FARP1: variants seen among roughly 807,000 people sequenced by gnomAD.
The protein encoded by FARP1 is FERM, ARHGEF and pleckstrin domain-containing protein 1.
In FARP1, 52 loss-of-function variants were observed where a neutral mutation model predicts 128.8. The observed-to-expected ratio is 0.40, with a 90% CI of 0.32 to 0.51. The LOEUF is 0.51. FARP1 is among the 20% of genes least tolerant of loss of function. The probability of loss-of-function intolerance (pLI) is 0.45; values close to 1 mark genes in which losing one functional copy is unlikely to be tolerated. For synonymous variants in FARP1, 580 were observed against 551.8 expected (o/e 1.05, Z -0.72); for missense variants, 1,333 against 1,367.9 (o/e 0.97, Z 0.40).
intron 2 of FARP1, among the ~76,000 whole-genome samples, chr13:98,217,959 G>A (rs1276994349): frequency 2.0e-5 from 3 of 152,146 alleles, no homozygotes; most frequent in Admixed American, 6.5e-5. Context: ...TCCCTTCCTC[G>A]TGTTTTCACA....
chr13:98,388,227 C>T (rs1439874990), intron 8 of FARP1, among the ~76,000 whole-genome samples, 156 bp from the exon 9 acceptor site: 4 of 152,158 alleles, frequency 2.6e-5, no homozygotes, highest in Non-Finnish European at 5.9e-5. Context: ...AGGTATCATC[C>T]GATAGCCACA....
intron 2 of FARP1, among the ~76,000 whole-genome samples, chr13:98,309,371 G>A (rs1418661881): frequency 3.3e-5 from 5 of 150,636 alleles, no homozygotes; most frequent in Non-Finnish European, 5.9e-5. Context: ...GGGTTTCACC[G>A]TGTTAGCCAG....
At chr13:98,407,782 A>T (rs1891038146) in intron 13 of FARP1, among the ~76,000 whole-genome samples, 1 of 152,158 alleles carries the variant, frequency 6.6e-6, no homozygotes, top group Non-Finnish European at 1.5e-5. Context: ...GGTGCTGCTG[A>T]CTGCTCAACC....
intron 5 of FARP1, among the ~76,000 whole-genome samples, chr13:98,377,027 G>A (rs1339879367): frequency 3.9e-5 from 6 of 151,960 alleles, no homozygotes; most frequent in Admixed American, 1.3e-4. Context: ...AAATGAATGG[G>A]TGCAGTGGGT....
In FARP1 at chr13:98,389,101, A is replaced by T. The variant is rs1379831648; in HGVS notation, c.855+623A>T. 3.3e-5 allele frequency among the ~76,000 whole-genome samples: 5 copies of T among 152,384 alleles called. No homozygotes were observed. In the South Asian group the frequency reaches 6.2e-4, roughly 19 times the overall value. The stretch of plus-strand genomic sequence containing the variant: ...AGAGTTCTTTTTCCCATGGCAAAGA[A>T]GATGATAAATGGCAATTAGGCTTAT... On this transcript the variant is annotated intron_variant, in intron 9 of 26. Coordinates refer to ENST00000319562, the MANE Select transcript of FARP1 (RefSeq NM_005766.4).
At chr13:98,246,066 T>C (rs1441868025) in intron 2 of FARP1, among the ~76,000 whole-genome samples, 16 of 135,998 alleles carry the variant, frequency 1.2e-4, no homozygotes, top group Middle Eastern at 4.6e-3. Context: ...TGTGAGCCAC[T>C]GCGCCCGGCC....
intron 2 of FARP1, among the ~76,000 whole-genome samples, chr13:98,223,851 A>T (rs1004514257): frequency 6.6e-6 from 1 of 152,232 alleles, no homozygotes; most frequent in African/African-American, 2.4e-5. Context: ...GGTGCCCACC[A>T]AGCTGGAAAA....
intron 2 of FARP1, among the ~76,000 whole-genome samples, chr13:98,296,399 T>C (rs565841051): frequency 1.3e-5 from 2 of 152,226 alleles, no homozygotes; most frequent in South Asian, 2.1e-4. Context: ...CTGGATGAAA[T>C]GACTTTCCCT....
chr13:98,397,567 A>G (rs1282195349), intron 13 of FARP1: 2 of 152,210 alleles, frequency 1.3e-5, no homozygotes, highest in Non-Finnish European at 2.9e-5. Context: ...GCATTCCTGC[A>G]TTTTAGATTA....
chr13:98,439,188 G>A lies in FARP1; in HGVS notation c.2425G>A (p.Gly809Ser), dbSNP rs754181741. The A allele has an allele frequency of 2.5e-6, 4 of 1,612,388 alleles. No homozygotes were observed. In the African/African-American group the frequency reaches 4.0e-5, roughly 16 times the overall value. The change falls in exon 21 of 27, where the codon GGC (glycine) becomes AGC (serine). Residue 809 changes from glycine to serine, a missense_variant. Physicochemically the swap from Gly to Ser is moderately conservative, Grantham distance 56. Coordinates refer to ENST00000319562, the MANE Select transcript of FARP1 (RefSeq NM_005766.4). ...FKVHGQLPLYGMTIEESEDEW... is the reference protein window; with the variant it reads ...FKVHGQLPLYSMTIEESEDEW... Reference sequence around the variant, plus strand: ...AGTCCACGGGCAGCTCCCGCTCTATGGCATGACGGTGAGTACAGCACAGGC... The same window carrying A: ...AGTCCACGGGCAGCTCCCGCTCTATAGCATGACGGTGAGTACAGCACAGGC...
At position 98,448,394 on chromosome 13, in the gene FARP1, T is replaced by C. The variant is rs754739153; in HGVS notation, c.*77T>C. Reference sequence around the variant, plus strand: ...TTTCTTCTGTATTAATGAAGCCTGGTAAAATTAACACCTGTCTGAAAATCA... The same window carrying C: ...TTTCTTCTGTATTAATGAAGCCTGGCAAAATTAACACCTGTCTGAAAATCA... On this transcript the variant is annotated 3_prime_UTR_variant, in exon 27 of 27. Coordinates refer to ENST00000319562, the MANE Select transcript of FARP1 (RefSeq NM_005766.4). 1.8e-6 allele frequency: 2 copies of C among 1,135,906 alleles called. No individual in the cohort carries two copies. The highest frequency in any genetic ancestry group is 1.2e-5 in the South Asian group (1 of 80,304). The allele number at this position is 1,135,906 out of a possible 1,614,324, so 70.4% of individuals were successfully genotyped here. A position where few individuals can be genotyped will look rare whatever the true frequency, so the allele number is the denominator to read the frequency against.
chr13:98,198,520 C>G (rs949019213), intron 1 of FARP1, among the ~76,000 whole-genome samples: 3 of 152,024 alleles, frequency 2.0e-5, no homozygotes, highest in African/African-American at 7.2e-5. Flanking sequence ...TCCCTTGAGC[C>G]CAGGAGTTCG....
chr13:98,182,262 T>G (rs1594241385), intron 1 of FARP1, among the ~76,000 whole-genome samples: 1 of 25,108 alleles, frequency 4.0e-5, no homozygotes, highest in African/African-American at 3.5e-4. Flanking sequence ...CTTTTTACTG[T>G]TTTTTTTTAC....
intron 1 of FARP1, among the ~76,000 whole-genome samples, chr13:98,210,553 CT>C (rs146886503): frequency 1.4e-5 from 2 of 144,352 alleles, no homozygotes; most frequent in African/African-American, 5.2e-5. Flanking sequence ...GTTTTTCTAT[CT>C]TTTCTTTTTT....
intron 25 of FARP1, 80 bp from the exon 26 acceptor site, chr13:98,446,586 T>C: frequency 6.8e-7 from 1 of 1,479,694 alleles, no homozygotes; most frequent in Non-Finnish European, 9.3e-7. Flanking sequence ...CCCAAGTCCC[T>C]GTCTGATGCG....
At chr13:98,308,022 C>CCA (rs1283136268) in intron 2 of FARP1, among the ~76,000 whole-genome samples, 1 of 42,830 alleles carries the variant, frequency 2.3e-5, no homozygotes, top group African/African-American at 8.0e-5. Flanking sequence ...CCGCCCGCCC[C>CCA]CACTCTCTCT....
intron 16 of FARP1, among the ~76,000 whole-genome samples, chr13:98,418,819 T>C (rs1891483970): frequency 6.6e-6 from 1 of 152,190 alleles, no homozygotes; most frequent in African/African-American, 2.4e-5. Flanking sequence ...ATGTGCCCTG[T>C]TGATAACAGG....
At chr13:98,177,854 A>G (rs906413558) in intron 1 of FARP1, 5 of 152,098 alleles carry the variant, frequency 3.3e-5, no homozygotes, top group African/African-American at 9.7e-5. Context: ...CTCATCCTAA[A>G]ACACAGGCGC....
At chr13:98,302,428 C>T (rs1885962469) in intron 2 of FARP1, among the ~76,000 whole-genome samples, 1 of 152,146 alleles carries the variant, frequency 6.6e-6, no homozygotes, top group Non-Finnish European at 1.5e-5. Flanking sequence ...CAAAGATGGT[C>T]ACTTTCTTTT....
Sources: gnomAD v4.1 joint callset for allele counts (sites outside exome capture counted in the v4.1 genomes callset) on GRCh38, gnomAD v4.1.1 for gene constraint, MANE v1.5 for transcripts, NCBI Gene and HGNC (gene_info 2026-07-23, HGNC 2026-07-21) for gene names.